The following RSL24D1 variants were observed in gnomAD, a reference collection of about 807,000 sequenced individuals.
RSL24D1 encodes the protein probable ribosome biogenesis protein RLP24.
Under a neutral mutation model 26.2 loss-of-function variants are expected in RSL24D1, and 6 were observed. That is an observed-to-expected ratio of 0.23 (90% confidence interval 0.13 to 0.45). RSL24D1 has a LOEUF of 0.45. RSL24D1 is among the 20% of genes least tolerant of loss of function. The pLI, the probability that RSL24D1 is intolerant of heterozygous loss-of-function variation, is 0.99. For synonymous variants in RSL24D1, 61 were observed against 59.1 expected, an observed-to-expected ratio of 1.03 and a Z score of -0.15; for missense variants, 176 against 202.6, an observed-to-expected ratio of 0.87 and a Z score of 0.80.
chr15:55,181,960 A>C lies in RSL24D1; in HGVS notation c.*192T>G. The C allele has an allele frequency of 2.0e-6, 1 of 506,944 alleles. No homozygotes were observed. The highest frequency in any genetic ancestry group is 3.5e-6 in the Non-Finnish European group (1 of 283,796). The allele number at this position is 506,944 out of a possible 1,614,324, so 31.4% of individuals were successfully genotyped here. A position where few individuals can be genotyped will look rare whatever the true frequency, so the allele number is the denominator to read the frequency against. Reference sequence around the variant, plus strand: ...CATGATTTACTTAAGTACATCTATCAGTAAAGATTTAACACTGAGATGCAA... The same window carrying C: ...CATGATTTACTTAAGTACATCTATCCGTAAAGATTTAACACTGAGATGCAA... On this transcript the variant is annotated 3_prime_UTR_variant, in exon 6 of 6. Coordinates refer to ENST00000260443, the MANE Select transcript of RSL24D1 (RefSeq NM_016304.3).
At position 55,182,226 on chromosome 15, in the gene RSL24D1, C is replaced by G. The variant is rs920117719; in HGVS notation, c.419-1G>C. 2.1e-5 allele frequency: 34 copies of G among 1,590,726 alleles called. No individual in the cohort carries two copies. Among genetic ancestry groups the G allele is most frequent in the Non-Finnish European group, 2.8e-5 (33 of 1,159,688 alleles). ...TTCTCTTCCAACTGTTTCCCTTTGC[C>G]TTTAATAAAAATAAGTAAAAAATAA... On this transcript the variant is annotated splice_acceptor_variant, in intron 5 of 5. Coordinates refer to ENST00000260443, the MANE Select transcript of RSL24D1 (RefSeq NM_016304.3). LOFTEE classifies it high-confidence loss of function.
Position 55,185,381 on chromosome 15 carries a change from C to T in RSL24D1, c.313G>A (p.Ala105Thr), listed in dbSNP as rs1470001086. The T allele has an allele frequency of 1.1e-5, 17 of 1,607,960 alleles. No individual in the cohort carries two copies. Among genetic ancestry groups the T allele is most frequent in the Non-Finnish European group, 1.4e-5 (17 of 1,177,980 alleles). ...TCATACCTGTTCATTATAAATTTAG[C>T]TTGGCGCTTCTGTTTGATTTCTTCA... Reference protein sequence around the residue: ...RVEEIKQKRQAKFIMNRLKKN... With the variant: ...RVEEIKQKRQTKFIMNRLKKN... Residue 105 changes from alanine to threonine, a missense_variant, in exon 4 of 6, where the codon GCT becomes ACT. This residue lies in a region of RSL24D1 where 89 missense variants were observed against 135.1 expected (regional missense o/e 0.66). Coordinates refer to ENST00000260443, the MANE Select transcript of RSL24D1 (RefSeq NM_016304.3).
intron 2 of RSL24D1, 106 bp from the exon 3 acceptor site, chr15:55,191,153 C>T (rs2140595701): frequency 1.4e-6 from 1 of 725,832 alleles, no homozygotes; most frequent in Non-Finnish European, 2.2e-6. Context: ...TGAACATACA[C>T]CTAGATTCAC....
Position 55,190,222 on chromosome 15 carries a change from G to C in RSL24D1, c.268+753C>G, listed in dbSNP as rs7163785. 2.1e-5 allele frequency among the ~76,000 whole-genome samples: 3 copies of C among 145,188 alleles called. No individual in the cohort carries two copies. In the South Asian group the frequency reaches 6.6e-4, roughly 32 times the overall value. On this transcript the variant is annotated intron_variant, in intron 3 of 5. Transcript: ENST00000260443. ...GAGATCGTGCCACTGCACTCCAGCCGGTGGGACAGAGCAAGACTTTCCAAC... is the reference window on the plus strand; with the variant it reads ...GAGATCGTGCCACTGCACTCCAGCCCGTGGGACAGAGCAAGACTTTCCAAC...
chr15:55,192,664 C>G (rs571471137), intron 2 of RSL24D1, 56 bp downstream of exon 2: 3 of 1,268,762 alleles, frequency 2.4e-6, no homozygotes, highest in East Asian at 4.6e-5. Flanking sequence ...ATATACCCTT[C>G]AAATACTAAA....
chr15:55,192,840 G>C lies in RSL24D1; in HGVS notation c.82-7C>G, dbSNP rs780645461. 1.3e-5 allele frequency: 20 copies of C among 1,584,586 alleles called. No individual in the cohort carries two copies. The highest frequency in any genetic ancestry group is 1.7e-4 in the Middle Eastern group (1 of 6,020). On this transcript the variant is annotated splice_polypyrimidine_tract_variant and splice_region_variant and intron_variant, in intron 1 of 5. Coordinates refer to ENST00000260443, the MANE Select transcript of RSL24D1 (RefSeq NM_016304.3). The stretch of plus-strand genomic sequence containing the variant: ...ATTTGCAAAATCTGAACACCTACAA[G>C]AAAAGTTAAAATATTGAGAAGTCAA...
chr15:55,190,909 T>A, intron 3 of RSL24D1, 66 bp downstream of exon 3: 2 of 1,034,670 alleles, frequency 1.9e-6, no homozygotes, highest in Non-Finnish European at 2.9e-6. Context: ...AAACTGACAC[T>A]TAAAGTTATA....
At chr15:55,191,482 A>AG (rs942182059) in intron 2 of RSL24D1, among the ~76,000 whole-genome samples, 6 of 152,274 alleles carry the variant, frequency 3.9e-5, no homozygotes, top group Middle Eastern at 3.4e-3. Context: ...GAAAAAAAAA[A>AG]AGAGAGAGAA....
At chr15:55,193,185 A>C (rs919723566) in intron 1 of RSL24D1, among the ~76,000 whole-genome samples, 2 of 152,232 alleles carry the variant, frequency 1.3e-5, no homozygotes, top group African/African-American at 4.8e-5. Context: ...TGGGGATAAA[A>C]GTTTCAAACA....
chr15:55,187,958 G>A (rs1024790732), intron 3 of RSL24D1, among the ~76,000 whole-genome samples: 1 of 152,040 alleles, frequency 6.6e-6, no homozygotes, highest in Non-Finnish European at 1.5e-5. Flanking sequence ...AAATCTGACA[G>A]ATATTAACAA....
chr15:55,193,540 G>C (rs1353498760), intron 1 of RSL24D1, among the ~76,000 whole-genome samples: 2 of 152,130 alleles, frequency 1.3e-5, no homozygotes, highest in Non-Finnish European at 2.9e-5. Context: ...GTAATTATTT[G>C]GGGTTTGTGG....
intron 3 of RSL24D1, among the ~76,000 whole-genome samples, chr15:55,186,786 G>A (rs1273277092): frequency 2.9e-5 from 4 of 140,328 alleles, no homozygotes; most frequent in Non-Finnish European, 6.0e-5. Flanking sequence ...TTTAATAATT[G>A]CAGTGTGGTT....
Position 55,193,222 on chromosome 15 carries a change from T to C in RSL24D1, c.82-389A>G, listed in dbSNP as rs985322391. Among the ~76,000 whole-genome samples, 4 of 152,230 alleles carry C rather than the reference T, an allele frequency of 2.6e-5. No individual in the cohort carries two copies. The South Asian group carries it at 6.2e-4, about 24-fold the overall frequency. The stretch of plus-strand genomic sequence containing the variant: ...CCATTCTGAAATCTCCTTTGGGTCT[T>C]TCCATCTTCCTTGTTGAAAGCACAA... On this transcript the variant is annotated intron_variant, in intron 1 of 5. Transcript: ENST00000260443.
chr15:55,184,771 T>G (rs543272462), intron 4 of RSL24D1, among the ~76,000 whole-genome samples: 3 of 152,168 alleles, frequency 2.0e-5, no homozygotes, highest in Admixed American at 6.5e-5. Flanking sequence ...CTTCCCGATA[T>G]GATGCATGAG....
chr15:55,185,345 C>A lies in RSL24D1; in HGVS notation c.332+17G>T. On this transcript the variant is annotated intron_variant, in intron 4 of 5. Coordinates refer to ENST00000260443, the MANE Select transcript of RSL24D1 (RefSeq NM_016304.3). ...AGTAATTATTTTCCAAAAGTTACTCCATACAAATATTCATACCTGTTCATT... is the reference window on the plus strand; with the variant it reads ...AGTAATTATTTTCCAAAAGTTACTCAATACAAATATTCATACCTGTTCATT... The A allele has an allele frequency of 6.4e-7, 1 of 1,565,558 alleles. No individual in the cohort carries two copies. Among genetic ancestry groups the A allele is most frequent in the East Asian group, 2.3e-5 (1 of 43,326 alleles).
chr15:55,192,609 T>A, intron 2 of RSL24D1, 111 bp downstream of exon 2: 1 of 668,966 alleles, frequency 1.5e-6, no homozygotes, highest in Non-Finnish European at 2.7e-6. Flanking sequence ...ATAAGGTACT[T>A]ATTAATCATG....
At chr15:55,185,728 G>A (rs1408566526) in intron 3 of RSL24D1, among the ~76,000 whole-genome samples, 1 of 152,162 alleles carries the variant, frequency 6.6e-6, no homozygotes, top group South Asian at 2.1e-4. Flanking sequence ...ACTATAAAGA[G>A]AACTTGGACT....
chr15:55,192,894 T>A, intron 1 of RSL24D1, 61 bp from the exon 2 acceptor site: 1 of 1,047,610 alleles, frequency 9.5e-7, no homozygotes, highest in Non-Finnish European at 1.5e-6. Flanking sequence ...CACAAGACGT[T>A]ACCCCTGCTA....
rs1234564902 is a variant in RSL24D1 at position 55,196,932 on chromosome 15, G to A, written c.-42C>T. On this transcript the variant is annotated 5_prime_UTR_variant, in exon 1 of 6. Coordinates refer to ENST00000260443, the MANE Select transcript of RSL24D1 (RefSeq NM_016304.3). ...ACCCCACCAAACAAACGCCAAGCTTGAGAGGAAGTGATGCAACCCCGTCAC... is the reference window on the plus strand; with the variant it reads ...ACCCCACCAAACAAACGCCAAGCTTAAGAGGAAGTGATGCAACCCCGTCAC... The A allele has an allele frequency of 1.3e-6, 2 of 1,593,012 alleles. No homozygotes were observed. The highest frequency in any genetic ancestry group is 8.6e-7 in the Non-Finnish European group (1 of 1,161,454).
Sources: gnomAD v4.1 joint callset for allele counts (sites outside exome capture counted in the v4.1 genomes callset) on GRCh38, gnomAD v4.1.1 for gene constraint, gnomAD v4.1.1 regional missense constraint, MANE v1.5 for transcripts, NCBI Gene and HGNC (gene_info 2026-07-23, HGNC 2026-07-21) for gene names.